The following TTC9 variants were observed in gnomAD, a reference collection of about 807,000 sequenced individuals.
TTC9 encodes the protein tetratricopeptide repeat domain 9.
A neutral mutation model predicts 22.9 loss-of-function variants in TTC9; 13 were observed. That is an observed-to-expected ratio of 0.57 (90% CI 0.37 to 0.90). TTC9 has a LOEUF of 0.90. Among genes scored for constraint, TTC9 ranks in the 40% least tolerant of loss-of-function variants. The pLI, the probability that TTC9 is intolerant of heterozygous loss-of-function variation, is 0.01. For synonymous variants in TTC9, 148 were observed against 133.2 expected (o/e 1.11, Z -0.77); for missense variants, 280 against 291.8 (o/e 0.96, Z 0.29).
chr14:70,655,159 C>T (rs1162186226), intron 1 of TTC9, among the ~76,000 whole-genome samples: 1 of 152,134 alleles, frequency 6.6e-6, no homozygotes, highest in Non-Finnish European at 1.5e-5. Context: ...TTTGGGAGGC[C>T]GAGGTGGGTG....
intron 1 of TTC9, among the ~76,000 whole-genome samples, chr14:70,666,676 G>A (rs1000814859): frequency 4.6e-5 from 7 of 152,126 alleles, no homozygotes; most frequent in African/African-American, 1.2e-4. Flanking sequence ...TCTCTTTCAC[G>A]TTGTGTGGAC....
chr14:70,655,367 C>T (rs1200898785), intron 1 of TTC9, among the ~76,000 whole-genome samples: 3 of 151,082 alleles, frequency 2.0e-5, no homozygotes, highest in African/African-American at 7.3e-5. Context: ...GCTCTCCAAG[C>T]GTCGCTTGGG....
intron 1 of TTC9, among the ~76,000 whole-genome samples, chr14:70,643,295 C>G (rs1885855267): frequency 6.6e-6 from 1 of 152,122 alleles, no homozygotes; most frequent in South Asian, 2.1e-4. Context: ...TACTCTTGGG[C>G]AAAGAAGGTG....
chr14:70,646,444 A>G (rs1044987387), intron 1 of TTC9, among the ~76,000 whole-genome samples: 2 of 152,206 alleles, frequency 1.3e-5, no homozygotes, highest in Non-Finnish European at 1.5e-5. Flanking sequence ...TGAAGGGCAG[A>G]GTCTTTTGCC....
intron 1 of TTC9, among the ~76,000 whole-genome samples, chr14:70,659,827 C>A (rs1297864553): frequency 6.6e-6 from 1 of 152,122 alleles, no homozygotes; most frequent in African/African-American, 2.4e-5. Context: ...AAAGCACAGT[C>A]TCAGGTGCCA....
chr14:70,642,033 G>C lies in TTC9; in HGVS notation c.-97G>C. On this transcript the variant is annotated 5_prime_UTR_variant, in exon 1 of 3. Transcript: ENST00000256367. ...GCCGCCACGAAGCCTGCGAGGCGCG[G>C]GGCCGGCGCCCGCGGCTTTTAAACC... is the stretch of plus-strand genomic sequence containing the variant. 1 of 859,294 alleles carries C rather than the reference G, an allele frequency of 1.2e-6. No individual in the cohort carries two copies. Among genetic ancestry groups the C allele is most frequent in the Non-Finnish European group, 1.4e-6 (1 of 710,388 alleles). 53.2% of individuals were successfully genotyped at this position (859,294 alleles called of 1,614,324 possible).
intron 1 of TTC9, among the ~76,000 whole-genome samples, chr14:70,666,896 C>G (rs918816604): frequency 6.6e-6 from 1 of 152,168 alleles, no homozygotes; most frequent in African/African-American, 2.4e-5. Flanking sequence ...TGATGATTGC[C>G]TCTGGTAGCT....
rs370891371 is a variant in TTC9, at chr14:70,642,407, C to A, written c.278C>A (p.Pro93His). ...ALLELKGLLP[P>H]PGERERDSRP... ...CTGGAGCTGAAGGGGCTGCTGCCGC[C>A]CCCCGGGGAACGGGAGCGGGACTCG... The change falls in exon 1 of 3, where the codon CCC (proline) becomes CAC (histidine). Residue 93 changes from proline (P) to histidine (H), a missense_variant. Coordinates refer to ENST00000256367, the MANE Select transcript of TTC9 (RefSeq NM_015351.2). The A allele has an allele frequency of 1.9e-6, 3 of 1,598,772 alleles. No homozygotes were observed. Among genetic ancestry groups the A allele is most frequent in the Admixed American group, 1.7e-5 (1 of 58,360 alleles).
At chr14:70,666,495 A>C (rs1886218224) in intron 1 of TTC9, among the ~76,000 whole-genome samples, 3 of 152,254 alleles carry the variant, frequency 2.0e-5, no homozygotes, top group Admixed American at 2.0e-4. Flanking sequence ...TTACTGGTAC[A>C]AGACTAAAAA....
Position 70,675,018 on chromosome 14 carries a change from C to G in TTC9, c.*3863C>G, listed in dbSNP as rs1262197110. On this transcript the variant is annotated 3_prime_UTR_variant, in exon 3 of 3. Coordinates refer to ENST00000256367, the MANE Select transcript of TTC9 (RefSeq NM_015351.2). ...TCCAGAAAGTTTGTACCAAAACGCT[C>G]TCCTATTTGGATCCTAGAGAGTACC... is the stretch of plus-strand genomic sequence containing the variant. 4 of 152,204 alleles carry G rather than the reference C, an allele frequency of 2.6e-5. No individual in the cohort carries two copies. Among genetic ancestry groups the G allele is most frequent in the Non-Finnish European group, 5.9e-5 (4 of 68,042 alleles). The allele number at this position is 152,204 out of a possible 1,614,324, so 9.4% of individuals were successfully genotyped here.
At chr14:70,651,450 A>T (rs1885983747) in intron 1 of TTC9, among the ~76,000 whole-genome samples, 1 of 152,228 alleles carries the variant, frequency 6.6e-6, no homozygotes, top group African/African-American at 2.4e-5. Context: ...CATAATTTTA[A>T]TGCCATTCTG....
Position 70,642,392 on chromosome 14 carries a change from A to AG in TTC9, c.267dup (p.Leu90AlafsTer53). On this transcript the variant is annotated frameshift_variant, in exon 1 of 3. Transcript: ENST00000256367. LOFTEE classifies it high-confidence loss of function. ...TACCACCGGGCGTTGCTGGAGCTGAAGGGGCTGCTGCCGCCCCCCGGGGAA... is the reference window on the plus strand; with the variant it reads ...TACCACCGGGCGTTGCTGGAGCTGAAGGGGGCTGCTGCCGCCCCCCGGGGAA... 1.9e-6 allele frequency: 3 copies of AG among 1,603,642 alleles called. No individual in the cohort carries two copies. The highest frequency in any genetic ancestry group is 2.6e-6 in the Non-Finnish European group (3 of 1,175,954).
Position 70,674,799 on chromosome 14 carries a change from G to A in TTC9, c.*3644G>A, listed in dbSNP as rs1384610626. 6.6e-6 allele frequency: 1 copy of A among 152,064 alleles called. No homozygotes were observed. Among genetic ancestry groups the A allele is most frequent in the African/African-American group, 2.4e-5 (1 of 41,398 alleles). 9.4% of individuals were successfully genotyped at this position (152,064 alleles called of 1,614,324 possible). A position where few individuals can be genotyped will look rare whatever the true frequency, so the allele number is the denominator to read the frequency against. The stretch of plus-strand genomic sequence containing the variant: ...TCAACAGCATCTTCATTGTATGGAT[G>A]GACCCTTTTTTTATCATCAATCCTC... On this transcript the variant is annotated 3_prime_UTR_variant, in exon 3 of 3. Coordinates refer to ENST00000256367, the MANE Select transcript of TTC9 (RefSeq NM_015351.2).
intron 1 of TTC9, among the ~76,000 whole-genome samples, chr14:70,662,632 G>C (rs1419671411): frequency 2.0e-5 from 3 of 152,346 alleles, no homozygotes; most frequent in Admixed American, 2.0e-4. Flanking sequence ...TGTTAGATCT[G>C]AAAGGACGGT....
intron 1 of TTC9, among the ~76,000 whole-genome samples, chr14:70,650,132 A>C (rs1885962194): frequency 6.6e-6 from 1 of 152,208 alleles, no homozygotes; most frequent in Non-Finnish European, 1.5e-5. Context: ...TCAGCCATTA[A>C]AGAATATACT....
At chr14:70,653,658 A>G (rs1358847383) in intron 1 of TTC9, among the ~76,000 whole-genome samples, 1 of 152,176 alleles carries the variant, frequency 6.6e-6, no homozygotes, top group African/African-American at 2.4e-5. Flanking sequence ...AGGCTCAGTT[A>G]GACAGTGCCT....
In TTC9 at chr14:70,670,379, C is replaced by T. The variant is rs181168114; in HGVS notation, c.590-697C>T. Among the ~76,000 whole-genome samples the T allele has an allele frequency of 2.7e-4, 41 of 152,306 alleles. No individual in the cohort carries two copies. In the East Asian group the frequency reaches 4.6e-3, roughly 17 times the overall value. ...TCAAAAATGGAGCTTGTTGGCTGGG[C>T]GCGGTGGCTCACTCACGCCTCTGAT... On this transcript the variant is annotated intron_variant, in intron 2 of 2. Coordinates refer to ENST00000256367, the MANE Select transcript of TTC9 (RefSeq NM_015351.2).
chr14:70,656,690 C>T (rs1385612354), intron 1 of TTC9, among the ~76,000 whole-genome samples: 4 of 152,166 alleles, frequency 2.6e-5, no homozygotes. Flanking sequence ...GAGTTTCTGC[C>T]AATGAACGTG....
rs933619294 is a variant in TTC9 at position 70,673,126 on chromosome 14, A to G, written c.*1971A>G. 6.6e-6 allele frequency: 1 copy of G among 152,160 alleles called. No individual in the cohort carries two copies. Among genetic ancestry groups the G allele is most frequent in the Admixed American group, 6.5e-5 (1 of 15,286 alleles). 9.4% of individuals were successfully genotyped at this position (152,160 alleles called of 1,614,324 possible). A position where few individuals can be genotyped will look rare whatever the true frequency, so the allele number is the denominator to read the frequency against. On this transcript the variant is annotated 3_prime_UTR_variant, in exon 3 of 3. Transcript: ENST00000256367. Reference sequence around the variant, plus strand: ...GTTATGTCTGTGTATTGCTCATTCTACTTACTGATGGAGCCAGCATGTATC... The same window carrying G: ...GTTATGTCTGTGTATTGCTCATTCTGCTTACTGATGGAGCCAGCATGTATC...
Sources: gnomAD v4.1 joint callset for allele counts (sites outside exome capture counted in the v4.1 genomes callset) on GRCh38, gnomAD v4.1.1 for gene constraint, MANE v1.5 for transcripts, NCBI Gene and HGNC (gene_info 2026-07-23, HGNC 2026-07-21) for gene names.